TMEM132B: variants seen among roughly 807,000 people sequenced by gnomAD.
The protein encoded by TMEM132B is transmembrane protein 132B.
TMEM132B carries 18 observed loss-of-function variants against 90.8 expected under a neutral mutation model. The observed-to-expected ratio is 0.20, with a 90% CI of 0.14 to 0.29. The LOEUF (loss-of-function observed/expected upper bound fraction) is 0.29. Ranked by LOEUF, TMEM132B falls within the 10% of genes least tolerant of loss-of-function variation. The pLI is 1.00. For synonymous variants in TMEM132B, 504 were observed against 523.3 expected, an observed-to-expected ratio of 0.96 and a Z score of 0.50; for missense variants, 1,096 against 1,326.8, an observed-to-expected ratio of 0.83 and a Z score of 2.70.
At chr12:125,580,030 A>C (rs188025059) in intron 4 of TMEM132B, among the ~76,000 whole-genome samples, 1 of 152,258 alleles carries the variant, frequency 6.6e-6, no homozygotes, top group East Asian at 1.9e-4. Context: ...CTTGGTGGTC[A>C]GCCAATGATT....
rs1884450368 is a variant in TMEM132B, at chr12:125,558,702, T to C, written c.1294-25149T>C. Among the ~76,000 whole-genome samples, 2 of 152,160 alleles carry C rather than the reference T, an allele frequency of 1.3e-5. 1 individual carries two copies. The highest frequency in any genetic ancestry group is 4.1e-4 in the South Asian group (2 of 4,830). ...AGAGAACATCAGCGTTAGAAACAAA[T>C]GTTGTTAGTTCCAAGGCATTATAGA... is the stretch of plus-strand genomic sequence containing the variant. On this transcript the variant is annotated intron_variant, in intron 4 of 8. Coordinates refer to ENST00000682704, the MANE Select transcript of TMEM132B (RefSeq NM_001366854.1).
intron 2 of TMEM132B, among the ~76,000 whole-genome samples, chr12:125,411,147 T>TGGAGTGGAGTGGAGTGGA (rs1879817974): frequency 2.6e-5 from 1 of 38,794 alleles, no homozygotes; most frequent in Non-Finnish European, 5.1e-5. Flanking sequence ...GTGGAGTGAG[T>TGGAGTGGAGTGGAGTGGA]GGAGTGGAGG....
chr12:125,205,180 T>C (rs1262040782), intron 1 of TMEM132B, among the ~76,000 whole-genome samples: 18 of 150,374 alleles, frequency 1.2e-4, no homozygotes, highest in African/African-American at 4.2e-4. Flanking sequence ...AACCAGGCAC[T>C]GTGCTTAGCC....
chr12:125,502,095 A>G (rs973347802), intron 3 of TMEM132B, among the ~76,000 whole-genome samples: 1 of 152,104 alleles, frequency 6.6e-6, no homozygotes, highest in Non-Finnish European at 1.5e-5. Flanking sequence ...CAAACTTACT[A>G]CACTTTGGGA....
intron 4 of TMEM132B, among the ~76,000 whole-genome samples, chr12:125,573,322 T>C (rs1162267660): frequency 6.6e-6 from 1 of 152,220 alleles, no homozygotes; most frequent in Non-Finnish European, 1.5e-5. Flanking sequence ...TCCCAGTTCA[T>C]GATTGCAGAG....
intron 2 of TMEM132B, among the ~76,000 whole-genome samples, chr12:125,412,409 T>C (rs752506591): frequency 6.6e-6 from 1 of 152,192 alleles, no homozygotes; most frequent in Non-Finnish European, 1.5e-5. Context: ...ACTGAGGCAT[T>C]TGTCAGGCAA....
chr12:125,197,545 G>A (rs556654452), intron 1 of TMEM132B, among the ~76,000 whole-genome samples: 19 of 152,230 alleles, frequency 1.2e-4, no homozygotes, highest in Non-Finnish European at 1.9e-4. Context: ...GGAACACAGC[G>A]GTGCCTATTT....
chr12:125,595,287 C>G (rs752727715), intron 5 of TMEM132B, among the ~76,000 whole-genome samples: 1 of 152,168 alleles, frequency 6.6e-6, no homozygotes, highest in East Asian at 1.9e-4. Flanking sequence ...TATGAATAGA[C>G]TTGAATGTAG....
rs1886989670 is a variant in TMEM132B, at chr12:125,653,806, T to C, written c.2348T>C (p.Leu783Pro). ...CAGAAGACCAAGAGGAAGAGTGTTC[T>C]TGCCGTGGGTAAAGGAAATGTCAAG... ...PCQKTKRKSVLAVGKGNVKVK... is the reference protein window; with the variant it reads ...PCQKTKRKSVPAVGKGNVKVK... The change falls in exon 9 of 9, where the codon CTT becomes CCT. Residue 783 changes from leucine to proline, a missense_variant. Transcript: ENST00000682704. The C allele has an allele frequency of 6.2e-7, 1 of 1,614,052 alleles. No homozygotes were observed. Among genetic ancestry groups the C allele is most frequent in the African/African-American group, 1.3e-5 (1 of 74,906 alleles).
intron 3 of TMEM132B, among the ~76,000 whole-genome samples, chr12:125,432,365 G>GAA (rs1194886223): frequency 3.0e-3 from 51 of 17,046 alleles, no homozygotes; most frequent in African/African-American, 7.6e-3. Context: ...GGAATTCCTT[G>GAA]AATATATATA....
At chr12:125,556,914 C>G (rs1297222519) in intron 4 of TMEM132B, among the ~76,000 whole-genome samples, 1 of 152,060 alleles carries the variant, frequency 6.6e-6, no homozygotes, top group African/African-American at 2.4e-5. Flanking sequence ...GCCACCATGC[C>G]TGGCTAATTT....
chr12:125,542,315 T>G (rs1392342453), intron 4 of TMEM132B, among the ~76,000 whole-genome samples: 1 of 152,148 alleles, frequency 6.6e-6, no homozygotes, highest in Non-Finnish European at 1.5e-5. Flanking sequence ...GTAGATTTGT[T>G]TTTTCCTGAA....
At chr12:125,487,462 CA>C (rs1209515890) in intron 3 of TMEM132B, among the ~76,000 whole-genome samples, 1 of 152,202 alleles carries the variant, frequency 6.6e-6, no homozygotes, top group Non-Finnish European at 1.5e-5. Context: ...GAGCCACATC[CA>C]AGTAGCTACA....
chr12:125,497,961 G>A (rs1882601576), intron 3 of TMEM132B, among the ~76,000 whole-genome samples: 1 of 152,178 alleles, frequency 6.6e-6, no homozygotes, highest in South Asian at 2.1e-4. Context: ...AGTTGGCAAA[G>A]GACTCTGCTC....
At chr12:125,542,025 C>CAAAAAAAAA (rs71306285) in intron 4 of TMEM132B, among the ~76,000 whole-genome samples, 2 of 23,302 alleles carry the variant, frequency 8.6e-5, no homozygotes, top group African/African-American at 1.9e-4. Flanking sequence ...ACCCCCGTCT[C>CAAAAAAAAA]AAAAAAAAAA....
chr12:125,480,459 T>C (rs543308293), intron 3 of TMEM132B, among the ~76,000 whole-genome samples: 54 of 152,124 alleles, frequency 3.5e-4, no homozygotes, highest in Admixed American at 1.8e-3. Context: ...TACAAACTAC[T>C]GTCAGAGAAT....
chr12:125,471,048 A>G (rs1881704438), intron 3 of TMEM132B, among the ~76,000 whole-genome samples: 1 of 152,224 alleles, frequency 6.6e-6, no homozygotes, highest in Non-Finnish European at 1.5e-5. Context: ...GCCGGCGCCC[A>G]TGTGGGGCTG....
At chr12:125,256,266 T>C (rs1261599415) in intron 1 of TMEM132B, among the ~76,000 whole-genome samples, 2 of 152,168 alleles carry the variant, frequency 1.3e-5, no homozygotes, top group African/African-American at 2.4e-5. Flanking sequence ...GTGGGCCACA[T>C]CACAGGATTC....
At chr12:125,585,901 A>G (rs1399841194) in intron 5 of TMEM132B, 3 of 152,342 alleles carry the variant, frequency 2.0e-5, no homozygotes, top group Non-Finnish European at 4.4e-5. Context: ...CACACTTTTT[A>G]AGGGGATTCC....
Sources: gnomAD v4.1 joint callset for allele counts (sites outside exome capture counted in the v4.1 genomes callset) on GRCh38, gnomAD v4.1.1 for gene constraint, MANE v1.5 for transcripts, NCBI Gene and HGNC (gene_info 2026-07-23, HGNC 2026-07-21) for gene names.